The following COPS5 variants were observed in gnomAD, a reference collection of about 807,000 sequenced individuals.
COPS5 encodes COP9 signalosome complex subunit 5.
Under a neutral mutation model 44.4 loss-of-function variants are expected in COPS5, and 8 were observed. The observed-to-expected ratio is 0.18, with a 90% CI of 0.11 to 0.32. The LOEUF (loss-of-function observed/expected upper bound fraction) is 0.32, where lower values mean the gene tolerates loss of function less well. Ranked by LOEUF, COPS5 falls within the 10% of genes least tolerant of loss-of-function variation. COPS5 has a pLI of 1.00. For missense variants in COPS5, 159 were observed against 406.4 expected, an observed-to-expected ratio of 0.39 and a Z score of 5.23; for synonymous variants, 122 against 142.8, an observed-to-expected ratio of 0.85 and a Z score of 1.04.
At position 67,059,259 on chromosome 8, in the gene COPS5, C is replaced by T; in HGVS notation, c.330G>A (p.Gln110=). 6.2e-7 allele frequency: 1 copy of T among 1,614,176 alleles called. No homozygotes were observed. Among genetic ancestry groups the T allele is most frequent in the Non-Finnish European group, 8.5e-7 (1 of 1,180,024 alleles). ...CAGCCATGTATTCATATGCAGCAGCCTGAGCATTTACTCGGGTTTCAGTGC... is the reference window on the plus strand; with the variant it reads ...CAGCCATGTATTCATATGCAGCAGCTTGAGCATTTACTCGGGTTTCAGTGC... The part of the protein sequence containing the change: ...VEGTETRVNA[Q]AAAYEYMAAY... Residue 110 remains glutamine (Q), a synonymous_variant, in exon 2 of 8, where the codon CAG becomes CAA. Transcript: ENST00000357849.
intron 1 of COPS5, chr8:67,060,915 T>A (rs1804593790): frequency 1.2e-5 from 2 of 168,632 alleles, no homozygotes; most frequent in Admixed American, 1.2e-4. Context: ...CAGTTCACCA[T>A]TGTGGAATCT....
At chr8:67,046,850 A>G (rs896308931) in intron 6 of COPS5, among the ~76,000 whole-genome samples, 2 of 148,934 alleles carry the variant, frequency 1.3e-5, no homozygotes, top group African/African-American at 4.9e-5. Flanking sequence ...AAAAAAAAAC[A>G]AACACTTTTC....
At chr8:67,059,551 G>T in intron 1 of COPS5, 106 bp from the exon 2 acceptor site, 2 of 793,776 alleles carry the variant, frequency 2.5e-6, no homozygotes, top group Non-Finnish European at 4.1e-6. Flanking sequence ...TAGAGCGATG[G>T]AAAGGGAGTG....
intron 5 of COPS5, 27 bp downstream of exon 5, chr8:67,056,492 G>T: frequency 3.5e-6 from 3 of 859,658 alleles, no homozygotes; most frequent in South Asian, 1.5e-5. Context: ...ACCGTGCCTG[G>T]CCCAGATATG....
At chr8:67,060,370 A>T (rs1804566883) in intron 1 of COPS5, 8 of 1,219,120 alleles carry the variant, frequency 6.6e-6, no homozygotes, top group Non-Finnish European at 8.4e-6. Flanking sequence ...AAGCAACTTA[A>T]GCAGCCTTAC....
chr8:67,046,842 A>C (rs1002498601), intron 6 of COPS5, among the ~76,000 whole-genome samples: 13 of 150,872 alleles, frequency 8.6e-5, no homozygotes, highest in African/African-American at 2.7e-4. Flanking sequence ...AAAAAAAAAA[A>C]AAAAAACAAA....
chr8:67,061,969 G>C lies in COPS5; in HGVS notation c.28C>G (p.Gln10Glu). The change falls in exon 1 of 8, where the codon CAG (glutamine) becomes GAG (glutamate). Residue 10 changes from glutamine (Q) to glutamate (E), a missense_variant. By Grantham distance (29) the Gln-to-Glu change is conservative. Around this residue, in one of 2 missense-constraint regions of COPS5, gnomAD observed 25 missense variants for 29.7 expected, o/e 0.84. Transcript: ENST00000357849. MAASGSGMA[Q>E]KTWELANNMQ... is the part of the protein sequence containing the mutation. ...TTGTTGGCCAGTTCCCAGGTTTTCT[G>C]GGCCATACCGCTCCCGGACGCCGCC... The C allele has an allele frequency of 6.2e-7, 1 of 1,614,222 alleles. No individual in the cohort carries two copies. The highest frequency in any genetic ancestry group is 2.2e-5 in the East Asian group (1 of 44,890).
intron 1 of COPS5, chr8:67,061,261 T>C (rs1804612659): frequency 2.9e-6 from 1 of 347,768 alleles, no homozygotes; most frequent in South Asian, 2.2e-5. Context: ...GACCAGGTAG[T>C]AGAGCCTCCG....
At chr8:67,053,699 A>C (rs1392447757) in intron 5 of COPS5, among the ~76,000 whole-genome samples, 1 of 118,098 alleles carries the variant, frequency 8.5e-6, no homozygotes, top group East Asian at 2.6e-4. Flanking sequence ...AGACTCCATC[A>C]CACACACACA....
intron 5 of COPS5, among the ~76,000 whole-genome samples, 186 bp downstream of exon 5, chr8:67,056,333 A>G (rs1249829147): frequency 6.6e-6 from 1 of 151,960 alleles, no homozygotes; most frequent in Admixed American, 6.6e-5. Context: ...CTGGGACTAC[A>G]GGACTGTGCC....
intron 6 of COPS5, chr8:67,047,790 TC>T: frequency 2.8e-6 from 2 of 702,532 alleles, no homozygotes; most frequent in Non-Finnish European, 5.2e-6. Context: ...TTCAGACTGT[TC>T]TGGTCTTAAC....
chr8:67,053,068 A>G (rs1020093645), intron 5 of COPS5, among the ~76,000 whole-genome samples: 27 of 151,526 alleles, frequency 1.8e-4, no homozygotes, highest in Admixed American at 1.6e-3. Flanking sequence ...CGAAAGATAA[A>G]GACACATAGG....
chr8:67,058,721 T>C (rs947084319), intron 2 of COPS5, among the ~76,000 whole-genome samples: 5 of 151,986 alleles, frequency 3.3e-5, no homozygotes, highest in Admixed American at 6.6e-5. Flanking sequence ...ATCCATGCCA[T>C]AGACCGGGTG....
At chr8:67,050,614 A>AGTGT (rs5892073) in intron 6 of COPS5, among the ~76,000 whole-genome samples, 5,600 of 141,092 alleles carry the variant, frequency 0.04, 281 homozygotes, top group African/African-American at 0.11. Flanking sequence ...TGAGTGTGAG[A>AGTGT]GTGTGTGTGT....
chr8:67,059,626 T>A, intron 1 of COPS5, 181 bp from the exon 2 acceptor site: 1 of 593,830 alleles, frequency 1.7e-6, no homozygotes, highest in African/African-American at 1.9e-5. Context: ...AAGTATGTCA[T>A]AGTGCAGCAA....
At chr8:67,048,982 A>G (rs1816735253) in intron 6 of COPS5, among the ~76,000 whole-genome samples, 1 of 152,206 alleles carries the variant, frequency 6.6e-6, no homozygotes. Flanking sequence ...AAAGTGGCAG[A>G]GTTGTTTTCA....
intron 2 of COPS5, among the ~76,000 whole-genome samples, chr8:67,058,426 AAAAC>A (rs1467240394): frequency 6.6e-6 from 1 of 152,218 alleles, no homozygotes; most frequent in Non-Finnish European, 1.5e-5. Flanking sequence ...TAGATTGATA[AAAAC>A]ACACACAATA....
At chr8:67,051,896 G>A (rs1194266496) in intron 5 of COPS5, among the ~76,000 whole-genome samples, 1 of 152,066 alleles carries the variant, frequency 6.6e-6, no homozygotes, top group Non-Finnish European at 1.5e-5. Flanking sequence ...CTAGTTAAAT[G>A]TCTGAAAAAT....
intron 6 of COPS5, 117 bp from the exon 7 acceptor site, chr8:67,046,077 T>C (rs1816695855): frequency 2.9e-6 from 3 of 1,044,872 alleles, no homozygotes; most frequent in Non-Finnish European, 4.1e-6. Flanking sequence ...AGAATTCCAC[T>C]GTAAAATCTG....
Sources: gnomAD v4.1 joint callset for allele counts (sites outside exome capture counted in the v4.1 genomes callset) on GRCh38, gnomAD v4.1.1 for gene constraint, gnomAD v4.1.1 regional missense constraint, MANE v1.5 for transcripts, NCBI Gene and HGNC (gene_info 2026-07-23, HGNC 2026-07-21) for gene names.